HPSE2: variants seen among roughly 807,000 people sequenced by gnomAD.
HPSE2 encodes inactive heparanase-2.
A neutral mutation model predicts 60.5 loss-of-function variants in HPSE2; 38 were observed. The ratio of observed to expected loss-of-function variants is 0.63; its 90% CI spans 0.48 to 0.82. The LOEUF (loss-of-function observed/expected upper bound fraction) is 0.82, where lower values mean the gene tolerates loss of function less well. Ranked by LOEUF, HPSE2 falls within the 40% of genes least tolerant of loss-of-function variation. The probability of loss-of-function intolerance (pLI) is 0.00; values close to 1 mark genes in which losing one functional copy is unlikely to be tolerated. For missense variants in HPSE2, 713 were observed against 740.4 expected (o/e 0.96, Z 0.43); for synonymous variants, 295 against 293.2 (o/e 1.01, Z -0.06).
chr10:99,236,459 G>C (rs1344173693), upstream of HPSE2, among the ~76,000 whole-genome samples: 1 of 152,020 alleles, frequency 6.6e-6, no homozygotes, highest in Non-Finnish European at 1.5e-5. Flanking sequence ...CGTCCGCTCA[G>C]GGCCCTTTTC....
At chr10:99,081,046 G>A (rs1041631990) in intron 3 of HPSE2, among the ~76,000 whole-genome samples, 2 of 152,074 alleles carry the variant, frequency 1.3e-5, no homozygotes, top group South Asian at 2.1e-4. Context: ...CACCCACCTC[G>A]GCCTCCCAAA....
intron 9 of HPSE2, among the ~76,000 whole-genome samples, chr10:98,557,906 G>C (rs1032004881): frequency 2.0e-5 from 3 of 152,146 alleles, no homozygotes; most frequent in Non-Finnish European, 4.4e-5. Flanking sequence ...CCGAGATCAT[G>C]CCACTACATC....
In HPSE2 at chr10:98,935,145, G is replaced by A. The variant is rs575142119; in HGVS notation, c.611-191089C>T. Among the ~76,000 whole-genome samples the A allele has an allele frequency of 2.8e-4, 40 of 142,262 alleles. 2 individuals are homozygous for A. In the South Asian group the frequency reaches 8.5e-3, roughly 30 times the overall value. 93.3% of individuals were successfully genotyped at this position (142,262 alleles called of 152,430 possible). ...TTTTCAGCTCCATCAGGTTGCTTAT[G>A]TTCCTCTCTAGACTGGTTATTCTAG... is the stretch of plus-strand genomic sequence containing the variant. On this transcript the variant is annotated intron_variant, in intron 3 of 11. Transcript: ENST00000370552.
At chr10:99,300,028 C>CAAA in the HPSE2 span, among the ~76,000 whole-genome samples, 15 of 131,514 alleles carry the variant, frequency 1.1e-4, no homozygotes, top group African/African-American at 3.4e-4. Context: ...GAGGGAGAGG[C>CAAA]AAAAAAAAAA....
intron 2 of HPSE2, among the ~76,000 whole-genome samples, chr10:99,219,393 G>C (rs1849237446): frequency 6.6e-6 from 1 of 152,002 alleles, no homozygotes; most frequent in African/African-American, 2.4e-5. Flanking sequence ...TAAAAACATG[G>C]AAGAATCCAG....
At chr10:98,681,329 C>T (rs1321267340) in intron 6 of HPSE2, among the ~76,000 whole-genome samples, 1 of 151,694 alleles carries the variant, frequency 6.6e-6, no homozygotes, top group Non-Finnish European at 1.5e-5. Flanking sequence ...AGTGGTGATA[C>T]CAGTGAATGT....
rs572318859 is a variant in HPSE2 at position 99,201,333 on chromosome 10, G to A, written c.448+31015C>T. 4.6e-5 allele frequency among the ~76,000 whole-genome samples: 7 copies of A among 151,906 alleles called. No homozygotes were observed. The East Asian group carries it at 1.4e-3, about 29-fold the overall frequency. Reference sequence around the variant, plus strand: ...ATGTAATCATGCTCATCTCACTCTTGAATATCTTCACTAGCCTTTTTGGTC... The same window carrying A: ...ATGTAATCATGCTCATCTCACTCTTAAATATCTTCACTAGCCTTTTTGGTC... On this transcript the variant is annotated intron_variant, in intron 2 of 11. Coordinates refer to ENST00000370552, the MANE Select transcript of HPSE2 (RefSeq NM_021828.5).
intron 3 of HPSE2, among the ~76,000 whole-genome samples, chr10:98,862,155 G>A (rs1414544276): frequency 2.0e-5 from 3 of 152,178 alleles, no homozygotes; most frequent in Non-Finnish European, 4.4e-5. Context: ...GATAGGTTGA[G>A]CCCATCTCTG....
At chr10:98,885,247 C>G (rs941474053) in intron 3 of HPSE2, among the ~76,000 whole-genome samples, 1 of 152,114 alleles carries the variant, frequency 6.6e-6, no homozygotes, top group African/African-American at 2.4e-5. Context: ...TTGCAACAAC[C>G]TCATGATGAA....
At chr10:98,994,838 G>T (rs753441920) in intron 3 of HPSE2, among the ~76,000 whole-genome samples, 3 of 152,084 alleles carry the variant, frequency 2.0e-5, no homozygotes, top group Non-Finnish European at 1.5e-5. Context: ...AGGATAACCT[G>T]GTTTCCCTGT....
intron 2 of HPSE2, among the ~76,000 whole-genome samples, chr10:99,195,410 A>G (rs1428245885): frequency 6.6e-6 from 1 of 152,108 alleles, no homozygotes; most frequent in African/African-American, 2.4e-5. Flanking sequence ...TTTGGAAAAA[A>G]AAATCAAATT....
At chr10:99,124,242 G>A (rs1302402095) in intron 3 of HPSE2, among the ~76,000 whole-genome samples, 2 of 152,166 alleles carry the variant, frequency 1.3e-5, no homozygotes, top group Non-Finnish European at 2.9e-5. Context: ...GGGCTTAGAA[G>A]GGAGAAAGTG....
intron 3 of HPSE2, among the ~76,000 whole-genome samples, chr10:99,098,190 A>G (rs1843788828): frequency 6.6e-6 from 1 of 152,238 alleles, no homozygotes; most frequent in Admixed American, 6.5e-5. Flanking sequence ...AATAACTGAA[A>G]AGTAACAATA....
intron 3 of HPSE2, among the ~76,000 whole-genome samples, chr10:98,923,641 G>C (rs756087142): frequency 7.6e-4 from 115 of 151,702 alleles, no homozygotes; most frequent in Middle Eastern, 3.4e-3. Context: ...CTGTCTCTAG[G>C]CTCACTAATT....
chr10:99,164,560 C>T (rs181570613), intron 2 of HPSE2, among the ~76,000 whole-genome samples: 218 of 152,132 alleles, frequency 1.4e-3, no homozygotes, highest in Non-Finnish European at 2.6e-3. Flanking sequence ...TTAGGCACCA[C>T]ATGTGTTCAT....
At chr10:98,572,658 C>T (rs1944530630) in intron 9 of HPSE2, among the ~76,000 whole-genome samples, 1 of 152,240 alleles carries the variant, frequency 6.6e-6, no homozygotes, top group African/African-American at 2.4e-5. Context: ...AAGCAGCCTT[C>T]ATGCTGATTC....
At chr10:98,890,985 T>A (rs749202566) in intron 3 of HPSE2, among the ~76,000 whole-genome samples, 3 of 152,230 alleles carry the variant, frequency 2.0e-5, no homozygotes, top group Non-Finnish European at 4.4e-5. Context: ...GGAGCACATA[T>A]CTTATTTTAA....
the HPSE2 span, among the ~76,000 whole-genome samples, chr10:99,261,193 A>G: frequency 2.0e-5 from 3 of 151,736 alleles, no homozygotes; most frequent in Admixed American, 2.0e-4. Context: ...TCTCCACCCA[A>G]AGCTCTGAGT....
chr10:98,645,371 C>G (rs1210663531), intron 6 of HPSE2, among the ~76,000 whole-genome samples: 1 of 152,194 alleles, frequency 6.6e-6, no homozygotes, highest in Non-Finnish European at 1.5e-5. Flanking sequence ...ATGAACTCTT[C>G]AAGAGAATAA....
Sources: allele counts gnomAD v4.1 joint callset (sites outside exome capture counted in the v4.1 genomes callset), GRCh38; gene constraint gnomAD v4.1.1; transcripts MANE v1.5; gene names NCBI Gene and HGNC (gene_info 2026-07-23, HGNC 2026-07-21).